Variants in GASK1A observed in about 807,000 individuals in gnomAD.
GASK1A encodes the protein golgi associated kinase 1A.
Under a neutral mutation model 41.2 loss-of-function variants are expected in GASK1A, and 40 were observed. The observed-to-expected ratio is 0.97, with a 90% CI of 0.75 to 1.27. The LOEUF (loss-of-function observed/expected upper bound fraction) is 1.27, where lower values mean the gene tolerates loss of function less well. GASK1A is among the 50% of genes most tolerant of loss of function. GASK1A has a pLI of 0.00. For missense variants in GASK1A, 678 were observed against 745.1 expected (o/e 0.91, Z 1.05); for synonymous variants, 316 against 307.1 (o/e 1.03, Z -0.30).
At chr3:43,034,834 C>T (rs2089596944) in intron 2 of GASK1A, among the ~76,000 whole-genome samples, 1 of 152,216 alleles carries the variant, frequency 6.6e-6, no homozygotes, top group Non-Finnish European at 1.5e-5. Flanking sequence ...GCATCTGCTG[C>T]CCCCTTTGGA....
intron 3 of GASK1A, 47 bp from the exon 4 acceptor site, chr3:43,055,385 A>G: frequency 2.2e-6 from 3 of 1,392,682 alleles, no homozygotes; most frequent in Non-Finnish European, 1.0e-6. Flanking sequence ...TGCCAGCCGT[A>G]GCTGCACCCT....
intron 1 of GASK1A, among the ~76,000 whole-genome samples, chr3:43,013,271 G>A (rs368661786): frequency 5.3e-5 from 8 of 151,874 alleles, no homozygotes; most frequent in African/African-American, 1.9e-4. Context: ...CACAGGAATG[G>A]GCAGTGTGAA....
At chr3:42,988,021 A>C (rs1476959588) in intron 1 of GASK1A, among the ~76,000 whole-genome samples, 1 of 149,598 alleles carries the variant, frequency 6.7e-6, no homozygotes, top group South Asian at 2.1e-4. Context: ...GGATGGGGGT[A>C]GGATAGAGAG....
At chr3:43,041,751 T>C (rs2089639417) in intron 2 of GASK1A, among the ~76,000 whole-genome samples, 1 of 152,252 alleles carries the variant, frequency 6.6e-6, no homozygotes, top group South Asian at 2.1e-4. Flanking sequence ...TTCTTACTCT[T>C]ACCTCATTAC....
At chr3:43,031,200 T>C (rs965277849) in intron 1 of GASK1A, among the ~76,000 whole-genome samples, 1 of 152,214 alleles carries the variant, frequency 6.6e-6, no homozygotes, top group Non-Finnish European at 1.5e-5. Context: ...TATCTGTTGA[T>C]TCCCATTATG....
intron 2 of GASK1A, among the ~76,000 whole-genome samples, chr3:43,046,757 G>A (rs974427581): frequency 2.0e-5 from 3 of 152,196 alleles, no homozygotes; most frequent in Non-Finnish European, 4.4e-5. Context: ...GGAGGAAATG[G>A]TTGTGTGGGC....
At chr3:42,991,284 G>A (rs184055517) in intron 1 of GASK1A, among the ~76,000 whole-genome samples, 1 of 152,248 alleles carries the variant, frequency 6.6e-6, no homozygotes, top group East Asian at 1.9e-4. Flanking sequence ...GGGATTACAG[G>A]CATGAGGCAC....
At chr3:42,985,077 A>G (rs1457735168) in intron 1 of GASK1A, among the ~76,000 whole-genome samples, 1 of 152,094 alleles carries the variant, frequency 6.6e-6, no homozygotes, top group Non-Finnish European at 1.5e-5. Flanking sequence ...GTGTTTGGTG[A>G]AGGGAAGGTA....
chr3:42,995,897 AAAAT>A (rs2125675354), intron 1 of GASK1A, among the ~76,000 whole-genome samples: 1 of 152,338 alleles, frequency 6.6e-6, no homozygotes, highest in South Asian at 2.1e-4. Context: ...ATCTGAGAGC[AAAAT>A]GTGTGGCTGT....
At chr3:42,990,387 T>G (rs1405250795) in intron 1 of GASK1A, among the ~76,000 whole-genome samples, 1 of 151,166 alleles carries the variant, frequency 6.6e-6, no homozygotes, top group African/African-American at 2.4e-5. Context: ...CATACACCCT[T>G]GGGGATAACT....
rs1285819159 is a variant in GASK1A, at chr3:43,032,608, A to G, written c.345A>G (p.Pro115=). ...RESPGGDLRH[P]GRVRRDITLS... Reference sequence around the variant, plus strand: ...CCCCAGGAGGGGACCTCAGGCATCCAGGGAGGGTGAGGAGGGACATTACTT... The same window carrying G: ...CCCCAGGAGGGGACCTCAGGCATCCGGGGAGGGTGAGGAGGGACATTACTT... Residue 115 remains proline (P), a synonymous_variant, in exon 2 of 5, where the codon CCA becomes CCG. Transcript: ENST00000430121. 1.3e-6 allele frequency: 2 copies of G among 1,551,564 alleles called. No homozygotes were observed. Among genetic ancestry groups the G allele is most frequent in the Admixed American group, 2.0e-5 (1 of 50,980 alleles).
chr3:42,979,384 C>G lies in GASK1A; in HGVS notation c.-259C>G, dbSNP rs1471105017. Reference sequence around the variant, plus strand: ...CCGCGGGTAGGCTCCCTCAGATCCCCGTAGATCTCAGTAGATCCGGCGTGT... The same window carrying G: ...CCGCGGGTAGGCTCCCTCAGATCCCGGTAGATCTCAGTAGATCCGGCGTGT... On this transcript the variant is annotated 5_prime_UTR_variant, in exon 1 of 5. Coordinates refer to ENST00000430121, the MANE Select transcript of GASK1A (RefSeq NM_001129908.3). 2 of 393,834 alleles carry G rather than the reference C, an allele frequency of 5.1e-6. No individual in the cohort carries two copies. The highest frequency in any genetic ancestry group is 8.9e-5 in the Admixed American group (2 of 22,408). The allele number at this position is 393,834 out of a possible 1,614,324, so 24.4% of individuals were successfully genotyped here. A position where few individuals can be genotyped will look rare whatever the true frequency, so the allele number is the denominator to read the frequency against.
At chr3:43,023,426 T>C (rs1187558524) in intron 1 of GASK1A, among the ~76,000 whole-genome samples, 1 of 152,214 alleles carries the variant, frequency 6.6e-6, no homozygotes. Context: ...AGCAAGTCAG[T>C]GGTAATCTGT....
chr3:43,039,656 G>A (rs917734939), intron 2 of GASK1A, among the ~76,000 whole-genome samples: 2 of 152,064 alleles, frequency 1.3e-5, no homozygotes, highest in Admixed American at 6.6e-5. Flanking sequence ...GTAGTTTTTC[G>A]ATCCTCTCCC....
chr3:42,986,006 T>C (rs2089306937), intron 1 of GASK1A, among the ~76,000 whole-genome samples: 1 of 152,198 alleles, frequency 6.6e-6, no homozygotes, highest in African/African-American at 2.4e-5. Flanking sequence ...AATGAAAACA[T>C]ATGTCTACAA....
Position 42,995,605 on chromosome 3 carries a change from TG to T in GASK1A, c.3+15964del, listed in dbSNP as rs573004150. ...TGAATCTCTACCACCTCCTGGAGAC[TG>T]GGGTGGATGTCCGGTGAAGAGCGAG... On this transcript the variant is annotated intron_variant, in intron 1 of 4. Transcript: ENST00000430121. Among the ~76,000 whole-genome samples the T allele has an allele frequency of 2.8e-4, 43 of 152,280 alleles. No homozygotes were observed. The East Asian group carries it at 8.1e-3, about 29-fold the overall frequency.
At chr3:43,025,755 T>G (rs1232318738) in intron 1 of GASK1A, among the ~76,000 whole-genome samples, 1 of 152,194 alleles carries the variant, frequency 6.6e-6, no homozygotes, top group African/African-American at 2.4e-5. Flanking sequence ...GAGGGCTGAT[T>G]AGTCACTGCA....
At position 42,981,624 on chromosome 3, in the gene GASK1A, G is replaced by A. The variant is rs2089283340; in HGVS notation, c.3+1979G>A. On this transcript the variant is annotated intron_variant, in intron 1 of 4. Coordinates refer to ENST00000430121, the MANE Select transcript of GASK1A (RefSeq NM_001129908.3). ...AAATCCAGATGAGACCCAGACCAAG[G>A]GATGTTTTCAGGCTCTGCAAGTGAG... Among the ~76,000 whole-genome samples, 3 of 152,200 alleles carry A rather than the reference G, an allele frequency of 2.0e-5. No homozygotes were observed. In the South Asian group the frequency reaches 6.2e-4, roughly 32 times the overall value.
intron 2 of GASK1A, among the ~76,000 whole-genome samples, chr3:43,050,671 C>T (rs911350479): frequency 6.6e-6 from 1 of 152,102 alleles, no homozygotes; most frequent in Non-Finnish European, 1.5e-5. Context: ...GATGGTGTTA[C>T]ATGGGTCTCT....
Sources: allele counts gnomAD v4.1 joint callset (sites outside exome capture counted in the v4.1 genomes callset), GRCh38; gene constraint gnomAD v4.1.1; transcripts MANE v1.5; gene names NCBI Gene and HGNC (gene_info 2026-07-23, HGNC 2026-07-21).